GRB10: variants seen among roughly 807,000 people sequenced by gnomAD.
The protein encoded by GRB10 is growth factor receptor-bound protein 10.
A neutral mutation model predicts 80.9 loss-of-function variants in GRB10; 20 were observed. The observed-to-expected ratio is 0.25, with a 90% CI of 0.17 to 0.36. The LOEUF is 0.36. GRB10 is among the 10% of genes least tolerant of loss of function. The pLI is 1.00. For missense variants in GRB10, 548 were observed against 747.7 expected, an observed-to-expected ratio of 0.73 and a Z score of 3.12; for synonymous variants, 291 against 291.5, an observed-to-expected ratio of 1.00 and a Z score of 0.02.
intron 2 of GRB10, among the ~76,000 whole-genome samples, chr7:50,764,768 T>C (rs896734419): frequency 7.9e-5 from 12 of 152,284 alleles, no homozygotes; most frequent in Non-Finnish European, 7.4e-5. Flanking sequence ...CACACAGCAC[T>C]GACAGAAGGC....
At chr7:50,601,542 G>A (rs945017707) in intron 17 of GRB10, among the ~76,000 whole-genome samples, 3 of 152,034 alleles carry the variant, frequency 2.0e-5, no homozygotes, top group Admixed American at 6.5e-5. Context: ...TAAAGAAATC[G>A]CAATTCAGGT....
intron 2 of GRB10, among the ~76,000 whole-genome samples, chr7:50,757,975 A>G (rs2075295404): frequency 6.6e-6 from 1 of 152,126 alleles, no homozygotes; most frequent in African/African-American, 2.4e-5. Flanking sequence ...GTAAAGTGAA[A>G]TATACTTGTC....
intron 5 of GRB10, among the ~76,000 whole-genome samples, chr7:50,701,847 C>T (rs183423242): frequency 4.0e-4 from 61 of 152,338 alleles, no homozygotes; most frequent in African/African-American, 1.4e-3. Flanking sequence ...CCTTGTCTTA[C>T]AGACATTATT....
At chr7:50,754,948 A>C (rs1486170985) in intron 3 of GRB10, among the ~76,000 whole-genome samples, 2 of 152,232 alleles carry the variant, frequency 1.3e-5, no homozygotes, top group Non-Finnish European at 2.9e-5. Context: ...ATTAAAACAC[A>C]GGCAGGTCCA....
chr7:50,748,033 C>T (rs1255637333), intron 3 of GRB10, among the ~76,000 whole-genome samples: 2 of 152,086 alleles, frequency 1.3e-5, no homozygotes, highest in East Asian at 1.9e-4. Context: ...GAAGGCAGGA[C>T]GCATGCGTGC....
At chr7:50,772,351 C>A (rs183111401) in intron 2 of GRB10, among the ~76,000 whole-genome samples, 281 of 152,320 alleles carry the variant, frequency 1.8e-3, no homozygotes, top group Non-Finnish European at 3.5e-3. Flanking sequence ...TCTTCTAGAC[C>A]ACATTCTCGA....
chr7:50,708,426 T>C (rs1236011115), intron 4 of GRB10, among the ~76,000 whole-genome samples: 1 of 152,194 alleles, frequency 6.6e-6, no homozygotes, highest in Non-Finnish European at 1.5e-5. Flanking sequence ...AGTTAGCCAC[T>C]GTGGCACTAA....
intron 5 of GRB10, among the ~76,000 whole-genome samples, chr7:50,676,530 A>G (rs1033128833): frequency 2.0e-5 from 3 of 152,190 alleles, no homozygotes; most frequent in Non-Finnish European, 4.4e-5. Flanking sequence ...CACCTGCCCA[A>G]GGTCACATAA....
At chr7:50,671,000 A>G (rs1014528761) in intron 6 of GRB10, among the ~76,000 whole-genome samples, 1 of 152,186 alleles carries the variant, frequency 6.6e-6, no homozygotes, top group Admixed American at 6.5e-5. Context: ...TGCAACACAC[A>G]CACAGTATGA....
intron 1 of GRB10, among the ~76,000 whole-genome samples, chr7:50,790,816 G>A (rs1192616745): frequency 2.0e-5 from 3 of 152,220 alleles, no homozygotes; most frequent in Admixed American, 6.5e-5. Context: ...TGAAGCTGAA[G>A]GCACAATAGA....
chr7:50,787,825 C>G (rs1259147861), upstream of GRB10, among the ~76,000 whole-genome samples: 2 of 152,328 alleles, frequency 1.3e-5, no homozygotes, highest in East Asian at 1.9e-4. Context: ...TACCCTAGAA[C>G]AGACACCTGG....
chr7:50,665,436 C>T (rs542163162), intron 7 of GRB10, among the ~76,000 whole-genome samples: 1 of 152,380 alleles, frequency 6.6e-6, no homozygotes, highest in South Asian at 2.1e-4. Context: ...TATGAGCACC[C>T]AAACACCAGT....
At chr7:50,636,979 T>C (rs2055173076) in intron 7 of GRB10, among the ~76,000 whole-genome samples, 1 of 152,190 alleles carries the variant, frequency 6.6e-6, no homozygotes, top group African/African-American at 2.4e-5. Context: ...GTGTTTTTTT[T>C]GTTTTGTTTT....
chr7:50,660,404 G>A (rs2059136839), intron 7 of GRB10, among the ~76,000 whole-genome samples: 1 of 152,010 alleles, frequency 6.6e-6, no homozygotes, highest in Non-Finnish European at 1.5e-5. Context: ...GTCCTGCCAC[G>A]TTCACACGGC....
rs2051439475 is a variant in GRB10, at chr7:50,620,223, C to T, written c.662-938G>A. 3.3e-5 allele frequency among the ~76,000 whole-genome samples: 5 copies of T among 152,294 alleles called. No individual in the cohort carries two copies. The South Asian group carries it at 1.0e-3, about 32-fold the overall frequency. The stretch of plus-strand genomic sequence containing the variant: ...ATAAACAAGATGAACAAATGTACAG[C>T]AGGGTCAAAGTGTGAAGTGATGCCA... On this transcript the variant is annotated intron_variant, in intron 8 of 18. Coordinates refer to ENST00000401949, the MANE Select transcript of GRB10 (RefSeq NM_001350814.2).
intron 4 of GRB10, among the ~76,000 whole-genome samples, chr7:50,718,378 T>TC (rs2067209189): frequency 6.6e-6 from 1 of 152,080 alleles, no homozygotes; most frequent in Non-Finnish European, 1.5e-5. Context: ...AGCCTCCAAC[T>TC]CCTCCTTATC....
intron 2 of GRB10, among the ~76,000 whole-genome samples, chr7:50,776,755 A>G (rs1202511064): frequency 5.9e-5 from 9 of 152,202 alleles, no homozygotes; most frequent in Non-Finnish European, 1.3e-4. Flanking sequence ...TCCAGTTTCC[A>G]ATAAGATATT....
chr7:50,759,356 G>A (rs757614506), intron 2 of GRB10, among the ~76,000 whole-genome samples: 6 of 152,220 alleles, frequency 3.9e-5, no homozygotes, highest in South Asian at 2.1e-4. Flanking sequence ...AGATGGAAGC[G>A]AAAACAGAAA....
rs1245445961 is a variant in GRB10 at position 50,774,044 on chromosome 7, A to C, written c.-217+6583T>G. On this transcript the variant is annotated intron_variant, in intron 2 of 18. Coordinates refer to ENST00000401949, the MANE Select transcript of GRB10 (RefSeq NM_001350814.2). ...CAGCCATAAAAAGGAATGAAGTACTAATGCATGCTACAACATAGATTAACC... is the reference window on the plus strand; with the variant it reads ...CAGCCATAAAAAGGAATGAAGTACTCATGCATGCTACAACATAGATTAACC... 4.6e-5 allele frequency among the ~76,000 whole-genome samples: 7 copies of C among 152,234 alleles called. 1 individual carries two copies. The highest frequency in any genetic ancestry group is 4.6e-4 in the Admixed American group (7 of 15,290).
Sources: gnomAD v4.1 joint callset for allele counts (sites outside exome capture counted in the v4.1 genomes callset) on GRCh38, gnomAD v4.1.1 for gene constraint, MANE v1.5 for transcripts, NCBI Gene and HGNC (gene_info 2026-07-23, HGNC 2026-07-21) for gene names.